The following ZBTB38 variants were observed in gnomAD, a reference collection of about 807,000 sequenced individuals.
The protein encoded by ZBTB38 is zinc finger and BTB domain containing 38, also known as zinc finger and BTB domain-containing protein 38.
A neutral mutation model predicts 76.8 loss-of-function variants in ZBTB38; 20 were observed. The ratio of observed to expected loss-of-function variants is 0.26; its 90% CI spans 0.18 to 0.38. The LOEUF is 0.38. Among genes scored for constraint, ZBTB38 ranks in the 10% least tolerant of loss-of-function variants. ZBTB38 has a pLI of 1.00. For missense variants in ZBTB38, 1,082 were observed against 1,482.3 expected, an observed-to-expected ratio of 0.73 and a Z score of 4.43; for synonymous variants, 504 against 544.2, an observed-to-expected ratio of 0.93 and a Z score of 1.03.
intron 5 of ZBTB38, among the ~76,000 whole-genome samples, chr3:141,419,520 A>G (rs1433861330): frequency 2.0e-5 from 3 of 152,218 alleles, no homozygotes; most frequent in Admixed American, 2.0e-4. Context: ...GTTAGTTTGA[A>G]GCTCAGAGTC....
intron 1 of ZBTB38, among the ~76,000 whole-genome samples, chr3:141,340,366 G>A (rs1405498764): frequency 6.6e-6 from 1 of 152,178 alleles, no homozygotes; most frequent in Non-Finnish European, 1.5e-5. Flanking sequence ...AAAGACCTAT[G>A]AGAGATTCAA....
At chr3:141,343,854 A>G (rs965102047) in intron 1 of ZBTB38, among the ~76,000 whole-genome samples, 12 of 152,170 alleles carry the variant, frequency 7.9e-5, no homozygotes, top group African/African-American at 2.9e-4. Context: ...TGTGCCCCAG[A>G]GACGTGTTCC....
intron 5 of ZBTB38, among the ~76,000 whole-genome samples, chr3:141,416,115 C>T (rs891123010): frequency 3.9e-5 from 6 of 152,086 alleles, no homozygotes; most frequent in Admixed American, 1.3e-4. Context: ...GAGAAAACAA[C>T]GGGAAAGACA....
Position 141,348,805 on chromosome 3 carries a change from G to T in ZBTB38, c.-738-19816G>T, listed in dbSNP as rs144351353. On this transcript the variant is annotated intron_variant, in intron 1 of 7. Coordinates refer to the ZBTB38 transcript ENST00000509842. ...AGACCCCACTAAAATGATAGTAATG[G>T]CATTTAAAAAGTGATAATCACCATA... 1.7e-4 allele frequency among the ~76,000 whole-genome samples: 26 copies of T among 152,242 alleles called. No homozygotes were observed. In the East Asian group the frequency reaches 5.0e-3, roughly 29 times the overall value.
intron 5 of ZBTB38, among the ~76,000 whole-genome samples, chr3:141,426,965 G>A (rs1043820044): frequency 6.6e-6 from 1 of 151,872 alleles, no homozygotes; most frequent in Non-Finnish European, 1.5e-5. Context: ...ATGTCGATTT[G>A]TGTGTGGGGT....
At chr3:141,370,576 C>A (rs115198977) in intron 2 of ZBTB38, among the ~76,000 whole-genome samples, 3,515 of 152,256 alleles carry the variant, frequency 0.023, 49 homozygotes, top group Non-Finnish European at 0.027. Flanking sequence ...GAGAAGTAAA[C>A]AATTATCCAC....
At chr3:141,392,322 T>C (rs761942412) in intron 4 of ZBTB38, among the ~76,000 whole-genome samples, 3 of 152,188 alleles carry the variant, frequency 2.0e-5, no homozygotes, top group East Asian at 1.9e-4. Flanking sequence ...GTTTACTTCT[T>C]TGAGCATTTG....
At chr3:141,352,917 G>C (rs1943560624) in intron 1 of ZBTB38, among the ~76,000 whole-genome samples, 1 of 152,012 alleles carries the variant, frequency 6.6e-6, no homozygotes, top group Non-Finnish European at 1.5e-5. Context: ...GGTAACATAA[G>C]AACCCCCAAA....
intron 1 of ZBTB38, among the ~76,000 whole-genome samples, chr3:141,348,161 G>C (rs908319765): frequency 2.0e-5 from 3 of 152,188 alleles, no homozygotes; most frequent in Non-Finnish European, 4.4e-5. Flanking sequence ...TATCATAAAT[G>C]CTTGTGAATT....
chr3:141,426,759 C>A (rs79153193), intron 5 of ZBTB38, among the ~76,000 whole-genome samples: 3,585 of 152,264 alleles, frequency 0.024, 66 homozygotes, highest in East Asian at 0.055. Flanking sequence ...GGCCAAATTC[C>A]TGGACTTTGA....
intron 1 of ZBTB38, among the ~76,000 whole-genome samples, chr3:141,324,745 A>G (rs1475793976): frequency 6.6e-6 from 1 of 152,234 alleles, no homozygotes; most frequent in African/African-American, 2.4e-5. Context: ...GAGAATAGGT[A>G]TGAATGTAAA....
chr3:141,446,059 G>A lies in ZBTB38; in HGVS notation c.*83G>A, dbSNP rs1027156826. The A allele has an allele frequency of 1.6e-6, 2 of 1,237,046 alleles. No homozygotes were observed. Among genetic ancestry groups the A allele is most frequent in the African/African-American group, 3.0e-5 (2 of 66,198 alleles). 76.6% of individuals were successfully genotyped at this position (1,237,046 alleles called of 1,614,324 possible). On this transcript the variant is annotated 3_prime_UTR_variant, in exon 6 of 6. Coordinates refer to ENST00000321464, the MANE Select transcript of ZBTB38 (RefSeq NM_001376113.1). ...TTAAGTTTAGTTTCATTTTGTCCAT[G>A]TGACAGTCATGAAGGAGTGAAATTA...
intron 1 of ZBTB38, among the ~76,000 whole-genome samples, chr3:141,348,566 C>G (rs1281492854): frequency 6.6e-6 from 1 of 152,196 alleles, no homozygotes; most frequent in Admixed American, 6.5e-5. Context: ...AGAATATCGT[C>G]AAAGGGCCCT....
rs1953334801 is a variant in ZBTB38 at position 141,403,959 on chromosome 3, C to T, written c.-73C>T. On this transcript the variant is annotated 5_prime_UTR_variant, in exon 5 of 6. Transcript: ENST00000321464. Reference sequence around the variant, plus strand: ...TGTGGAAGAAATGGAGGACTCAGAACCAAGGATTTCCAAGTGATTTCTTCC... The same window carrying T: ...TGTGGAAGAAATGGAGGACTCAGAATCAAGGATTTCCAAGTGATTTCTTCC... 1 of 152,050 alleles carries T rather than the reference C, an allele frequency of 6.6e-6. No individual in the cohort carries two copies. The highest frequency in any genetic ancestry group is 2.4e-5 in the African/African-American group (1 of 41,388). 9.4% of individuals were successfully genotyped at this position (152,050 alleles called of 1,614,324 possible).
At chr3:141,386,685 C>T (rs896991862) in intron 3 of ZBTB38, 187 bp from the exon 4 acceptor site, 1 of 152,614 alleles carries the variant, frequency 6.6e-6, no homozygotes, top group Non-Finnish European at 1.5e-5. Context: ...TTATTTTCTT[C>T]CTTAGCAAAA....
intron 1 of ZBTB38, among the ~76,000 whole-genome samples, chr3:141,351,464 G>T (rs994173652): frequency 2.6e-5 from 4 of 151,902 alleles, no homozygotes; most frequent in African/African-American, 9.7e-5. Flanking sequence ...TGGAGAGAAA[G>T]TTCCCTCCCT....
chr3:141,409,258 C>T (rs1348837522), intron 5 of ZBTB38, among the ~76,000 whole-genome samples: 2 of 152,124 alleles, frequency 1.3e-5, no homozygotes, highest in East Asian at 1.9e-4. Context: ...GTTGGCCAGG[C>T]TGGTCTCAAA....
intron 2 of ZBTB38, among the ~76,000 whole-genome samples, chr3:141,375,859 A>G (rs1259743726): frequency 6.6e-6 from 1 of 152,146 alleles, no homozygotes; most frequent in Non-Finnish European, 1.5e-5. Flanking sequence ...CTGCCTTTTT[A>G]AATCTGAAAG....
At chr3:141,412,301 A>G (rs1391846905) in intron 5 of ZBTB38, among the ~76,000 whole-genome samples, 9 of 152,146 alleles carry the variant, frequency 5.9e-5, no homozygotes, top group Non-Finnish European at 1.3e-4. Flanking sequence ...GTATTCCCAA[A>G]AGGTCTCTTG....
Sources: gnomAD v4.1 joint callset for allele counts (sites outside exome capture counted in the v4.1 genomes callset) on GRCh38, gnomAD v4.1.1 for gene constraint, MANE v1.5 for transcripts, NCBI Gene and HGNC (gene_info 2026-07-23, HGNC 2026-07-21) for gene names.